Variants in SH3TC1 observed in about 807,000 individuals in gnomAD.
The protein encoded by SH3TC1 is SH3 domain and tetratricopeptide repeat-containing protein 1.
Under a neutral mutation model 117.3 loss-of-function variants are expected in SH3TC1, and 135 were observed. That is an observed-to-expected ratio of 1.15 (90% CI 1.00 to 1.33). The LOEUF (loss-of-function observed/expected upper bound fraction) is 1.33. Among genes scored for constraint, SH3TC1 ranks in the 40% most tolerant of loss-of-function variants. The pLI is 0.00. For missense variants in SH3TC1, 2,092 were observed against 1,794.3 expected, an observed-to-expected ratio of 1.17 and a Z score of -3.00; for synonymous variants, 898 against 816.9, an observed-to-expected ratio of 1.10 and a Z score of -1.69.
chr4:8,189,807 G>A (rs1717357750), intron 1 of SH3TC1, among the ~76,000 whole-genome samples: 1 of 152,202 alleles, frequency 6.6e-6, no homozygotes, highest in Admixed American at 6.5e-5. Context: ...AGATGGCTCT[G>A]AAGACCCCGC....
chr4:8,206,832 C>CGTGTGTGTGTGTGT lies in SH3TC1; in HGVS notation c.172+1490_172+1503dup, dbSNP rs58753240. On this transcript the variant is annotated intron_variant, in intron 2 of 17. Coordinates refer to ENST00000245105, the MANE Select transcript of SH3TC1 (RefSeq NM_018986.5). The surrounding 1 kb of genome is among the most constrained non-coding windows in gnomAD (Gnocchi z 5.5). ...AGGACTTTTACTTTGTGTGTGTACT[C>CGTGTGTGTGTGTGT]GTGTGTGTGTGTGTGTGTGTGTGTG... is the stretch of plus-strand genomic sequence containing the variant. Among the ~76,000 whole-genome samples, 5 of 144,754 alleles carry CGTGTGTGTGTGTGT rather than the reference C, an allele frequency of 3.5e-5. No homozygotes were observed. Among genetic ancestry groups the CGTGTGTGTGTGTGT allele is most frequent in the African/African-American group, 1.3e-4 (5 of 39,298 alleles). The allele number at this position is 144,754 out of a possible 152,430, so 95.0% of individuals were successfully genotyped here.
In SH3TC1 at chr4:8,183,670, A is replaced by G. The variant is rs1282583052; in HGVS notation, c.-57+1460A>G. ...AAACAGTCAGGAAGACAGTTCAGAG[A>G]GTTCTCGTAAAACCCCACCCAGCGG... On this transcript the variant is annotated intron_variant, in intron 1 of 16. Transcript: ENST00000508641. The surrounding 1 kb of genome is among the most constrained non-coding windows in gnomAD (Gnocchi z 5.4). Among the ~76,000 whole-genome samples the G allele has an allele frequency of 6.6e-6, 1 of 152,234 alleles. No individual in the cohort carries two copies. The highest frequency in any genetic ancestry group is 1.5e-5 in the Non-Finnish European group (1 of 68,050).
In SH3TC1 at chr4:8,235,402, G is replaced by C. The variant is rs756708341; in HGVS notation, c.3283-31G>C. 8.3e-6 allele frequency: 12 copies of C among 1,453,666 alleles called. No individual in the cohort carries two copies. In the South Asian group the frequency reaches 1.9e-4, roughly 22 times the overall value. The allele number at this position is 1,453,666 out of a possible 1,614,324, so 90.0% of individuals were successfully genotyped here. A position where few individuals can be genotyped will look rare whatever the true frequency, so the allele number is the denominator to read the frequency against. ...TGGGCGTGGCCACCTCACCAGGTGTGGGTCTTGAGGGAACTTCTGCCTCCT... is the reference window on the plus strand; with the variant it reads ...TGGGCGTGGCCACCTCACCAGGTGTCGGTCTTGAGGGAACTTCTGCCTCCT... On this transcript the variant is annotated intron_variant, in intron 14 of 17. Coordinates refer to ENST00000245105, the MANE Select transcript of SH3TC1 (RefSeq NM_018986.5).
rs767611439 is a variant in SH3TC1, at chr4:8,233,343, A to G, written c.3132-20A>G. 3.7e-5 allele frequency: 59 copies of G among 1,589,978 alleles called. No individual in the cohort carries two copies. Among genetic ancestry groups the G allele is most frequent in the Middle Eastern group, 1.7e-4 (1 of 5,936 alleles). ...CAGGAGGATGACAGCCCTTGTTCTG[A>G]CACCTGTGTCTGATACCAGGGCCTA... is the stretch of plus-strand genomic sequence containing the variant. On this transcript the variant is annotated intron_variant, in intron 13 of 17. Transcript: ENST00000245105.
intron 5 of SH3TC1, 69 bp from the exon 6 acceptor site, chr4:8,216,042 C>T: frequency 6.3e-7 from 1 of 1,578,102 alleles, no homozygotes; most frequent in Non-Finnish European, 8.6e-7. Flanking sequence ...CGACCTGGGA[C>T]CACACAGGCT....
chr4:8,204,980 C>T (rs967586806), intron 1 of SH3TC1, 187 bp from the exon 2 acceptor site: 12 of 409,936 alleles, frequency 2.9e-5, no homozygotes, highest in African/African-American at 1.0e-4. Context: ...GGAGGGGAGG[C>T]GCAGCAGCGG....
rs1718525495 is a variant in SH3TC1, at chr4:8,210,059, G to A, written c.247+237G>A. Among the ~76,000 whole-genome samples, 1 of 152,208 alleles carries A rather than the reference G, an allele frequency of 6.6e-6. No individual in the cohort carries two copies. ...CATCCCTGTGTGCACCTGCACAAACGGCAGACACGGTCCTGGGGGCTCCGT... is the reference window on the plus strand; with the variant it reads ...CATCCCTGTGTGCACCTGCACAAACAGCAGACACGGTCCTGGGGGCTCCGT... On this transcript the variant is annotated intron_variant, in intron 3 of 17. Coordinates refer to ENST00000245105, the MANE Select transcript of SH3TC1 (RefSeq NM_018986.5). This position sits in a 1 kb window ranked among gnomAD's most constrained non-coding sequence, Gnocchi z 4.1.
chr4:8,228,192 G>T lies in SH3TC1; in HGVS notation c.2498G>T (p.Trp833Leu), dbSNP rs761921089. Residue 833 changes from tryptophan to leucine, a missense_variant, in exon 12 of 18, where the codon TGG becomes TTG. Transcript: ENST00000245105. The stretch of plus-strand genomic sequence containing the variant: ...GTGGACCACCTGGTGGCCCTGGCCT[G>T]GCTGCACGTGCTTCATGGGCAGAGC... ...AIVDHLVALA[W>L]LHVLHGQSPV... is the part of the protein sequence containing the mutation. 1 of 1,610,100 alleles carries T rather than the reference G, an allele frequency of 6.2e-7. No individual in the cohort carries two copies. The highest frequency in any genetic ancestry group is 2.2e-5 in the East Asian group (1 of 44,822).
At chr4:8,235,636 G>T in intron 15 of SH3TC1, 81 bp downstream of exon 15, 1 of 1,458,698 alleles carries the variant, frequency 6.9e-7, no homozygotes, top group Non-Finnish European at 9.1e-7. Flanking sequence ...GCAGGGCAGA[G>T]CCCTCGCACC....
chr4:8,240,969 G>A lies in SH3TC1; in HGVS notation c.*14G>A, dbSNP rs770446102. 19 of 1,604,904 alleles carry A rather than the reference G, an allele frequency of 1.2e-5. No individual in the cohort carries two copies. The highest frequency in any genetic ancestry group is 2.7e-5 in the African/African-American group (2 of 74,904). Reference sequence around the variant, plus strand: ...CACCCTCGCTGAGGACAGCATCCAAGGGAGTGGGTTTTGTGCAAGGGCTGG... The same window carrying A: ...CACCCTCGCTGAGGACAGCATCCAAAGGAGTGGGTTTTGTGCAAGGGCTGG... On this transcript the variant is annotated 3_prime_UTR_variant, in exon 18 of 18. Transcript: ENST00000245105.
upstream of SH3TC1, among the ~76,000 whole-genome samples, chr4:8,197,667 G>C (rs1717602081): frequency 6.6e-6 from 1 of 152,224 alleles, no homozygotes; most frequent in South Asian, 2.1e-4. Context: ...CCTGGAGGCT[G>C]GGCCCCTAAG....
chr4:8,233,279 C>T lies in SH3TC1; in HGVS notation c.3132-84C>T, dbSNP rs775005668. 10 of 1,511,086 alleles carry T rather than the reference C, an allele frequency of 6.6e-6. No homozygotes were observed. The Admixed American group carries it at 1.3e-4, about 20-fold the overall frequency. The allele number at this position is 1,511,086 out of a possible 1,614,324, so 93.6% of individuals were successfully genotyped here. On this transcript the variant is annotated intron_variant, in intron 13 of 17. Coordinates refer to ENST00000245105, the MANE Select transcript of SH3TC1 (RefSeq NM_018986.5). ...GCCGTTCCCAGTCCCATTCCAGATT[C>T]ATCTGTCACCAGACCCACGGGAGGA...
In SH3TC1 at chr4:8,219,507, C is replaced by A; in HGVS notation, c.1089C>A (p.Ile363=). Residue 363 remains isoleucine (I), a synonymous_variant, in exon 9 of 18, where the codon ATC becomes ATA. Coordinates refer to ENST00000245105, the MANE Select transcript of SH3TC1 (RefSeq NM_018986.5). The part of the protein sequence containing the change: ...GRVGFVRSSL[I]SMQGPVSELE... ...TGGGGTTTGTGCGGAGCAGCCTCAT[C>A]AGCATGCAGGGCCCCGTGTCCGAGT... 6.3e-7 allele frequency: 1 copy of A among 1,581,342 alleles called. No individual in the cohort carries two copies. Among genetic ancestry groups the A allele is most frequent in the Non-Finnish European group, 8.6e-7 (1 of 1,158,424 alleles).
chr4:8,238,626 G>T (rs1722039037), intron 17 of SH3TC1, among the ~76,000 whole-genome samples: 1 of 151,926 alleles, frequency 6.6e-6, no homozygotes. Flanking sequence ...CCGGTGCTGG[G>T]GACACCTGGT....
At chr4:8,215,075 G>A (rs1271348948) in intron 5 of SH3TC1, 4 of 442,950 alleles carry the variant, frequency 9.0e-6, no homozygotes, top group Admixed American at 7.1e-5. Context: ...CCGGGTAGGC[G>A]GAGTCGTAGA....
At chr4:8,214,664 C>A (rs1618403) in intron 5 of SH3TC1, 84 bp downstream of exon 5, 1 of 1,021,674 alleles carries the variant, frequency 9.8e-7, no homozygotes, top group Non-Finnish European at 1.5e-6. Context: ...AGATTACAAA[C>A]TGGTGCTTTG....
chr4:8,209,908 T>C lies in SH3TC1; in HGVS notation c.247+86T>C. 1 of 1,365,842 alleles carries C rather than the reference T, an allele frequency of 7.3e-7. No individual in the cohort carries two copies. The highest frequency in any genetic ancestry group is 2.4e-5 in the East Asian group (1 of 41,030). The allele number at this position is 1,365,842 out of a possible 1,614,324, so 84.6% of individuals were successfully genotyped here. A position where few individuals can be genotyped will look rare whatever the true frequency, so the allele number is the denominator to read the frequency against. On this transcript the variant is annotated intron_variant, in intron 3 of 17. Coordinates refer to ENST00000245105, the MANE Select transcript of SH3TC1 (RefSeq NM_018986.5). This position sits in a 1 kb window ranked among gnomAD's most constrained non-coding sequence, Gnocchi z 5.9. Reference sequence around the variant, plus strand: ...GGCATCCAAGAGTCCAACCCAGGGCTTCTCAAAGTGTGGCCTCAGACTTCC... The same window carrying C: ...GGCATCCAAGAGTCCAACCCAGGGCCTCTCAAAGTGTGGCCTCAGACTTCC...
upstream of SH3TC1, among the ~76,000 whole-genome samples, chr4:8,198,668 AC>A (rs1236352915): frequency 1.3e-5 from 2 of 152,152 alleles, no homozygotes; most frequent in Admixed American, 6.5e-5. Context: ...AAAGAGGTAG[AC>A]CCGTTGGGAC....
intron 6 of SH3TC1, 78 bp from the exon 7 acceptor site, chr4:8,216,879 C>G: frequency 1.4e-6 from 2 of 1,460,556 alleles, no homozygotes; most frequent in Admixed American, 3.4e-5. Flanking sequence ...CGTTGTCTGT[C>G]CGGCAGGGGT....
Sources: allele counts gnomAD v4.1 joint callset (sites outside exome capture counted in the v4.1 genomes callset), GRCh38; gene constraint gnomAD v4.1.1; non-coding constraint Gnocchi (gnomAD v3.1); transcripts MANE v1.5; gene names NCBI Gene and HGNC (gene_info 2026-07-23, HGNC 2026-07-21).